HIVEP3: variants seen among roughly 807,000 people sequenced by gnomAD.
HIVEP3 encodes the protein HIVEP zinc finger 3, also known as transcription factor HIVEP3.
A neutral mutation model predicts 152.8 loss-of-function variants in HIVEP3; 49 were observed. The ratio of observed to expected loss-of-function variants is 0.32; its 90% CI spans 0.26 to 0.41. The LOEUF is 0.41. Ranked by LOEUF, HIVEP3 falls within the 10% of genes least tolerant of loss-of-function variation. The pLI is 1.00. For synonymous variants in HIVEP3, 1,269 were observed against 1,289.0 expected, an observed-to-expected ratio of 0.98 and a Z score of 0.33; for missense variants, 2,790 against 3,103.3, an observed-to-expected ratio of 0.90 and a Z score of 2.40.
chr1:41,915,094 C>A (rs1230686769), intron 1 of HIVEP3, among the ~76,000 whole-genome samples: 1 of 151,882 alleles, frequency 6.6e-6, no homozygotes, highest in Non-Finnish European at 1.5e-5. Flanking sequence ...CTCACAGGTG[C>A]CATTATCATG....
intron 4 of HIVEP3, among the ~76,000 whole-genome samples, chr1:41,579,254 G>C (rs1644365331): frequency 6.6e-6 from 1 of 152,156 alleles, no homozygotes; most frequent in Non-Finnish European, 1.5e-5. Flanking sequence ...CTAGAATCTT[G>C]GAAATGGGAA....
intron 1 of HIVEP3, among the ~76,000 whole-genome samples, chr1:41,955,329 T>C (rs1645134807): frequency 6.6e-6 from 1 of 152,184 alleles, no homozygotes; most frequent in Non-Finnish European, 1.5e-5. Context: ...CTGTGGGTTA[T>C]GAATTGGTTC....
chr1:41,575,444 C>CA (rs1297683210), intron 5 of HIVEP3, 100 bp downstream of exon 5: 7 of 1,312,712 alleles, frequency 5.3e-6, no homozygotes, highest in Non-Finnish European at 7.5e-6. Flanking sequence ...CACCTGTGGG[C>CA]AGAGCCCTTG....
At chr1:41,921,027 C>T (rs529207182), upstream of HIVEP3, among the ~76,000 whole-genome samples, 19 of 152,298 alleles carry the variant, frequency 1.2e-4, 1 homozygote, top group South Asian at 3.9e-3. Flanking sequence ...CCCAGAGTTA[C>T]ATGAGTCTGG....
intron 1 of HIVEP3, among the ~76,000 whole-genome samples, chr1:41,883,976 C>G (rs1336239006): frequency 6.6e-6 from 1 of 152,148 alleles, no homozygotes; most frequent in Non-Finnish European, 1.5e-5. Flanking sequence ...ACATACTTTT[C>G]TTTTGAGATG....
At chr1:41,894,614 G>A (rs1177944042) in intron 1 of HIVEP3, among the ~76,000 whole-genome samples, 12 of 152,090 alleles carry the variant, frequency 7.9e-5, no homozygotes, top group Non-Finnish European at 1.6e-4. Context: ...ATGCAGCAAC[G>A]CCAGAATGTT....
At chr1:41,998,414 G>C (rs1645407378) in intron 1 of HIVEP3, among the ~76,000 whole-genome samples, 1 of 152,110 alleles carries the variant, frequency 6.6e-6, no homozygotes, top group East Asian at 1.9e-4. Context: ...AATCAAATGA[G>C]GGGTGAAAAT....
intron 1 of HIVEP3, among the ~76,000 whole-genome samples, chr1:42,007,529 A>G (rs545622469): frequency 3.0e-4 from 45 of 152,336 alleles, no homozygotes; most frequent in Admixed American, 6.5e-4. Flanking sequence ...GCTTTTTGCC[A>G]TCTCTGAAAC....
chr1:41,631,580 C>G (rs1467966788), intron 2 of HIVEP3, among the ~76,000 whole-genome samples: 1 of 152,106 alleles, frequency 6.6e-6, no homozygotes, highest in Non-Finnish European at 1.5e-5. Context: ...ACAGAGCATA[C>G]AGGTCACCGA....
chr1:41,899,032 G>T (rs552538742), intron 1 of HIVEP3, among the ~76,000 whole-genome samples: 4 of 152,282 alleles, frequency 2.6e-5, no homozygotes, highest in African/African-American at 9.6e-5. Context: ...ACATGCTACG[G>T]CCATTTTGGA....
Position 41,582,053 on chromosome 1 carries a change from T to C in HIVEP3, c.2745A>G (p.Gln915=). 3 of 1,614,132 alleles carry C rather than the reference T, an allele frequency of 1.9e-6. No individual in the cohort carries two copies. Among genetic ancestry groups the C allele is most frequent in the Admixed American group, 1.7e-5 (1 of 60,020 alleles). The change falls in exon 4 of 9, where the codon CAA becomes CAG. Residue 915 remains glutamine, a synonymous_variant. Coordinates refer to ENST00000372583, the MANE Select transcript of HIVEP3 (RefSeq NM_024503.5). This position sits in a 1 kb window ranked among gnomAD's most constrained non-coding sequence, Gnocchi z 4.7. ...ACTCGAAGCTGGACTCCCCTGATGA[T>C]TGGGCCATCTCTGCCAGGCGCAACC... ...KKRLRLAEMA[Q]SSGESSFESS...
intron 1 of HIVEP3, among the ~76,000 whole-genome samples, chr1:41,772,255 C>T (rs1471543995): frequency 6.6e-6 from 1 of 152,186 alleles, no homozygotes; most frequent in African/African-American, 2.4e-5. Flanking sequence ...CAACACCTTC[C>T]ATCTTCTAAT....
At chr1:41,957,913 C>T (rs1424980815) in intron 1 of HIVEP3, among the ~76,000 whole-genome samples, 1 of 152,170 alleles carries the variant, frequency 6.6e-6, no homozygotes, top group African/African-American at 2.4e-5. Flanking sequence ...AGCCAATTCA[C>T]CCACATGCAA....
At chr1:41,594,010 T>C (rs1289429274) in intron 3 of HIVEP3, among the ~76,000 whole-genome samples, 2 of 152,188 alleles carry the variant, frequency 1.3e-5, no homozygotes, top group Admixed American at 1.3e-4. Context: ...CATTCTAATA[T>C]TGACTCCTCT....
intron 1 of HIVEP3, among the ~76,000 whole-genome samples, chr1:41,724,968 T>A (rs1490370918): frequency 2.0e-5 from 3 of 152,214 alleles, no homozygotes; most frequent in Non-Finnish European, 4.4e-5. Context: ...AATGGTCTAC[T>A]TAGCCTTTCT....
At chr1:41,976,353 G>C (rs372749288) in intron 1 of HIVEP3, among the ~76,000 whole-genome samples, 2 of 152,130 alleles carry the variant, frequency 1.3e-5, no homozygotes, top group Admixed American at 1.3e-4. Context: ...GGAAGCATTC[G>C]ATGCCAGAAA....
chr1:41,604,602 G>A (rs1182252747), intron 3 of HIVEP3, among the ~76,000 whole-genome samples: 1 of 152,164 alleles, frequency 6.6e-6, no homozygotes, highest in Non-Finnish European at 1.5e-5. Context: ...CTCTCACCAT[G>A]TAAGAATGCA....
At chr1:41,525,909 T>A (rs983964617) in intron 5 of HIVEP3, among the ~76,000 whole-genome samples, 3 of 152,062 alleles carry the variant, frequency 2.0e-5, no homozygotes, top group Non-Finnish European at 4.4e-5. Flanking sequence ...GCCTTCTGAC[T>A]CCTGAAGCCT....
chr1:41,554,630 C>G (rs1025035121), intron 5 of HIVEP3, among the ~76,000 whole-genome samples: 2 of 152,220 alleles, frequency 1.3e-5, no homozygotes, highest in Non-Finnish European at 2.9e-5. Context: ...GTTGTTTTAT[C>G]TACCTTTGGT....
Sources: allele counts gnomAD v4.1 joint callset (sites outside exome capture counted in the v4.1 genomes callset), GRCh38; gene constraint gnomAD v4.1.1; non-coding constraint Gnocchi (gnomAD v3.1); transcripts MANE v1.5; gene names NCBI Gene and HGNC (gene_info 2026-07-23, HGNC 2026-07-21).